The following CHUK variants were observed in gnomAD, a reference collection of about 807,000 sequenced individuals.
CHUK encodes component of inhibitor of nuclear factor kappa B kinase complex, also known as inhibitor of nuclear factor kappa-B kinase subunit alpha.
In CHUK, 35 loss-of-function variants were observed where a neutral mutation model predicts 104.8. That is an observed-to-expected ratio of 0.33 (90% CI 0.26 to 0.44). CHUK has a LOEUF of 0.44. CHUK is among the 20% of genes least tolerant of loss of function. The pLI, the probability that CHUK is intolerant of heterozygous loss-of-function variation, is 1.00. For synonymous variants in CHUK, 276 were observed against 291.9 expected (o/e 0.95, Z 0.56); for missense variants, 663 against 902.7 (o/e 0.73, Z 3.40).
Position 100,225,943 on chromosome 10 carries a change from A to T in CHUK, c.180T>A (p.His60Gln). The T allele has an allele frequency of 1.2e-6, 2 of 1,602,536 alleles. No individual in the cohort carries two copies. Among genetic ancestry groups the T allele is most frequent in the African/African-American group, 1.3e-5 (1 of 74,778 alleles). ...CTTACTTCTTCATAATCTGGATTTC[A>T]TGGCACCATCGTTCTCTGTTTTTGG... Reference protein sequence around the residue: ...LSTKNRERWCHEIQIMKKLNH... With the variant: ...LSTKNRERWCQEIQIMKKLNH... The change falls in exon 2 of 21, where the codon CAT becomes CAA. Residue 60 changes from histidine (H) to glutamine (Q), a missense_variant. Transcript: ENST00000370397.
At chr10:100,193,903 C>T (rs1845263230) in intron 18 of CHUK, 81 bp downstream of exon 18, 1 of 1,294,098 alleles carries the variant, frequency 7.7e-7, no homozygotes, top group Admixed American at 1.7e-5. Flanking sequence ...AGAGGGCCCA[C>T]CTCATGCTGA....
At chr10:100,210,843 T>G (rs889994891) in intron 9 of CHUK, among the ~76,000 whole-genome samples, 8 of 152,192 alleles carry the variant, frequency 5.3e-5, no homozygotes, top group African/African-American at 1.9e-4. Context: ...CAAGTGAGTG[T>G]GAGGCTGAGT....
At chr10:100,221,205 G>A (rs1430816385) in intron 4 of CHUK, among the ~76,000 whole-genome samples, 1 of 152,186 alleles carries the variant, frequency 6.6e-6, no homozygotes, top group Non-Finnish European at 1.5e-5. Context: ...GGGAGGCCGA[G>A]GCGGGCAGAT....
At chr10:100,214,994 G>C (rs894729641) in intron 9 of CHUK, among the ~76,000 whole-genome samples, 3 of 152,050 alleles carry the variant, frequency 2.0e-5, no homozygotes, top group African/African-American at 7.2e-5. Context: ...CAGCACTTTG[G>C]AAGGCCGAGG....
At chr10:100,218,604 C>T (rs1845915245) in intron 8 of CHUK, 114 bp downstream of exon 8, 2 of 759,374 alleles carry the variant, frequency 2.6e-6, no homozygotes, top group Middle Eastern at 2.3e-4. Flanking sequence ...AAGGTTTCTA[C>T]ATCATCACAG....
intron 9 of CHUK, among the ~76,000 whole-genome samples, chr10:100,212,463 C>T (rs972409466): frequency 6.6e-6 from 1 of 152,034 alleles, no homozygotes; most frequent in Non-Finnish European, 1.5e-5. Context: ...TAATTCAGGT[C>T]CTTTGCACAT....
At chr10:100,228,172 T>A (rs1009125691) in intron 1 of CHUK, among the ~76,000 whole-genome samples, 7 of 152,218 alleles carry the variant, frequency 4.6e-5, no homozygotes, top group African/African-American at 1.7e-4. Context: ...GTAATTATTA[T>A]ACTATACTTA....
intron 9 of CHUK, among the ~76,000 whole-genome samples, chr10:100,215,969 T>C (rs540299898): frequency 6.6e-6 from 1 of 152,344 alleles, no homozygotes; most frequent in South Asian, 2.1e-4. Context: ...ACTAGTACCT[T>C]ATACATACCT....
In CHUK at chr10:100,209,820, T is replaced by C. The variant is rs1216092972; in HGVS notation, c.934-31A>G. The C allele has an allele frequency of 4.0e-6, 4 of 990,324 alleles. No homozygotes were observed. In the Admixed American group the frequency reaches 7.4e-5, roughly 18 times the overall value. The allele number at this position is 990,324 out of a possible 1,614,324, so 61.3% of individuals were successfully genotyped here. A position where few individuals can be genotyped will look rare whatever the true frequency, so the allele number is the denominator to read the frequency against. On this transcript the variant is annotated intron_variant, in intron 9 of 20. Transcript: ENST00000370397. ...TAAATAAGAAAAAAAGGTAAAGTTA[T>C]TGATTATTTGTTACATAAAAGATTC...
rs751019629 is a variant in CHUK, at chr10:100,194,121, C to G, written c.1837G>C (p.Gly613Arg). Reference protein sequence around the residue: ...ELFGHLSKLLGCKQKIIDLLP... With the variant: ...ELFGHLSKLLRCKQKIIDLLP... Reference sequence around the variant, plus strand: ...AGATCAATAATCTTCTGCTTACAGCCCAACAACTTGCTGGAGAGATTAAAT... The same window carrying G: ...AGATCAATAATCTTCTGCTTACAGCGCAACAACTTGCTGGAGAGATTAAAT... Residue 613 changes from glycine to arginine, a missense_variant, in exon 18 of 21, where the codon GGC (glycine) becomes CGC (arginine). Around this residue, in one of 5 missense-constraint regions of CHUK, gnomAD observed 311 missense variants for 393.4 expected, o/e 0.79. Coordinates refer to ENST00000370397, the MANE Select transcript of CHUK (RefSeq NM_001278.5). 6.2e-7 allele frequency: 1 copy of G among 1,613,406 alleles called. No individual in the cohort carries two copies. Among genetic ancestry groups the G allele is most frequent in the East Asian group, 2.2e-5 (1 of 44,888 alleles).
In CHUK at chr10:100,189,454, G is replaced by T; in HGVS notation, c.*144C>A. ...TATACTTGTAAAATCATGTTCTTCT[G>T]ATCATAGTAGAAATGTAGTTTCTGT... On this transcript the variant is annotated 3_prime_UTR_variant, in exon 21 of 21. Coordinates refer to ENST00000370397, the MANE Select transcript of CHUK (RefSeq NM_001278.5). 1 of 717,554 alleles carries T rather than the reference G, an allele frequency of 1.4e-6. No individual in the cohort carries two copies. The highest frequency in any genetic ancestry group is 1.6e-5 in the South Asian group (1 of 64,154). The allele number at this position is 717,554 out of a possible 1,614,324, so 44.4% of individuals were successfully genotyped here.
intron 1 of CHUK, among the ~76,000 whole-genome samples, chr10:100,228,633 C>T (rs541183811): frequency 6.6e-6 from 1 of 152,102 alleles, no homozygotes; most frequent in African/African-American, 2.4e-5. Context: ...CCAGCCTGGG[C>T]GACAGAGTGA....
chr10:100,227,565 G>A (rs950783915), intron 1 of CHUK, among the ~76,000 whole-genome samples: 2 of 150,110 alleles, frequency 1.3e-5, no homozygotes, highest in Non-Finnish European at 3.0e-5. Flanking sequence ...TTTTTTTAGT[G>A]TGTTATGTTC....
intron 9 of CHUK, among the ~76,000 whole-genome samples, chr10:100,216,836 T>C (rs1845866914): frequency 1.3e-5 from 2 of 152,144 alleles, no homozygotes; most frequent in Admixed American, 1.3e-4. Context: ...AAGAACCTGA[T>C]ACATGCCCTG....
chr10:100,229,588 G>C lies in CHUK; in HGVS notation c.-56C>G. On this transcript the variant is annotated 5_prime_UTR_variant, in exon 1 of 21. Coordinates refer to ENST00000370397, the MANE Select transcript of CHUK (RefSeq NM_001278.5). ...ACAGTTGTTCCAAGGCCGGTTCCGG[G>C]CCGCCGATGCTCGCGCGTCTTTGTT... 9.6e-7 allele frequency: 1 copy of C among 1,042,344 alleles called. No homozygotes were observed. Among genetic ancestry groups the C allele is most frequent in the Non-Finnish European group, 1.4e-6 (1 of 719,616 alleles). The allele number at this position is 1,042,344 out of a possible 1,614,324, so 64.6% of individuals were successfully genotyped here. A position where few individuals can be genotyped will look rare whatever the true frequency, so the allele number is the denominator to read the frequency against.
chr10:100,207,417 T>C, intron 10 of CHUK, 85 bp from the exon 11 acceptor site: 2 of 721,228 alleles, frequency 2.8e-6, no homozygotes, highest in South Asian at 3.0e-5. Context: ...CCAGATTTCC[T>C]ACTTTGAAAT....
At chr10:100,194,308 G>C (rs1175886643) in intron 17 of CHUK, 117 bp downstream of exon 17, 1 of 1,044,256 alleles carries the variant, frequency 9.6e-7, no homozygotes, top group Admixed American at 1.9e-5. Context: ...GCTACCCAAG[G>C]TACCTTCAGA....
At chr10:100,223,012 A>G in intron 2 of CHUK, 32 bp from the exon 3 acceptor site, 1 of 1,136,986 alleles carries the variant, frequency 8.8e-7, no homozygotes, top group Non-Finnish European at 1.3e-6. Context: ...ACAATAAAAA[A>G]AATTATTTCC....
At chr10:100,228,602 G>A (rs557918839) in intron 1 of CHUK, among the ~76,000 whole-genome samples, 2 of 152,298 alleles carry the variant, frequency 1.3e-5, no homozygotes, top group Non-Finnish European at 2.9e-5. Context: ...GCTGCAGTGA[G>A]CCGAGATCGC....
Sources: gnomAD v4.1 joint callset for allele counts (sites outside exome capture counted in the v4.1 genomes callset) on GRCh38, gnomAD v4.1.1 for gene constraint, gnomAD v4.1.1 regional missense constraint, MANE v1.5 for transcripts, NCBI Gene and HGNC (gene_info 2026-07-23, HGNC 2026-07-21) for gene names.